PRKCG: variants seen among roughly 807,000 people sequenced by gnomAD.
PRKCG encodes protein kinase C gamma type.
In PRKCG, 28 loss-of-function variants were observed where a neutral mutation model predicts 82.0. That is an observed-to-expected ratio of 0.34 (90% confidence interval 0.25 to 0.47). PRKCG has a LOEUF of 0.47. Among genes scored for constraint, PRKCG ranks in the 20% least tolerant of loss-of-function variants. The pLI is 1.00. For synonymous variants in PRKCG, 383 were observed against 376.6 expected (o/e 1.02, Z -0.20); for missense variants, 640 against 952.7 (o/e 0.67, Z 4.32).
intron 15 of PRKCG, among the ~76,000 whole-genome samples, chr19:53,903,662 G>T (rs1052534150): frequency 6.6e-6 from 1 of 152,138 alleles, no homozygotes; most frequent in Non-Finnish European, 1.5e-5. Context: ...AGGGTCACAT[G>T]AGCCCAAGAA....
intron 3 of PRKCG, among the ~76,000 whole-genome samples, chr19:53,886,763 T>C (rs116441086): frequency 0.034 from 5,252 of 152,242 alleles, 296 homozygotes; most frequent in African/African-American, 0.11. Flanking sequence ...GCTTATTTGG[T>C]TATTTTTCCC....
chr19:53,887,111 G>A (rs2068636770), intron 3 of PRKCG, among the ~76,000 whole-genome samples: 2 of 151,590 alleles, frequency 1.3e-5, no homozygotes, highest in South Asian at 4.2e-4. Flanking sequence ...TCACTCTGTT[G>A]CCCAGGCTGG....
At chr19:53,893,205 C>T in intron 8 of PRKCG, 130 bp downstream of exon 8, 1 of 1,219,902 alleles carries the variant, frequency 8.2e-7, no homozygotes, top group South Asian at 1.2e-5. Context: ...AGGACTCCCT[C>T]CTCTGCTCTT....
chr19:53,894,178 G>A (rs1281670011), intron 9 of PRKCG, among the ~76,000 whole-genome samples: 1 of 152,104 alleles, frequency 6.6e-6, no homozygotes, highest in Non-Finnish European at 1.5e-5. Flanking sequence ...CCATTCTCCT[G>A]CATCAGCCTC....
At chr19:53,893,294 C>T (rs1432202292) in intron 8 of PRKCG, 68 bp from the exon 9 acceptor site, 55 of 1,518,466 alleles carry the variant, frequency 3.6e-5, no homozygotes, top group Non-Finnish European at 4.8e-5. Flanking sequence ...CTAGGGGCCA[C>T]CAGCCCCTGT....
chr19:53,903,203 G>A (rs1362222050), intron 15 of PRKCG, 50 bp downstream of exon 15: 2 of 1,457,966 alleles, frequency 1.4e-6, no homozygotes, highest in Middle Eastern at 1.7e-4. Flanking sequence ...ACAGAGAGGG[G>A]CACCTGGATC....
chr19:53,885,525 C>T (rs538810293), intron 3 of PRKCG, among the ~76,000 whole-genome samples: 12 of 152,212 alleles, frequency 7.9e-5, no homozygotes, highest in Non-Finnish European at 1.3e-4. Flanking sequence ...CCACCGCGCC[C>T]GGCAGAACTG....
intron 5 of PRKCG, among the ~76,000 whole-genome samples, chr19:53,890,442 C>G (rs1408387897): frequency 8.0e-5 from 12 of 149,184 alleles, no homozygotes; most frequent in Admixed American, 7.4e-4. Flanking sequence ...ATTTTTAGTA[C>G]AAACGGGGTT....
rs779475805 is a variant in PRKCG at position 53,906,698 on chromosome 19, C to G, written c.1906-9C>G. ...CTGCTTAACTTTCCCTCCCCCACGT[C>G]TCCCACAGTGTGGCCGCAGCGGCGA... On this transcript the variant is annotated splice_polypyrimidine_tract_variant and intron_variant, in intron 17 of 17. Transcript: ENST00000263431. 6.2e-7 allele frequency: 1 copy of G among 1,612,304 alleles called. No individual in the cohort carries two copies. Among genetic ancestry groups the G allele is most frequent in the African/African-American group, 1.3e-5 (1 of 74,894 alleles).
chr19:53,900,111 T>G lies in PRKCG; in HGVS notation c.1282-122T>G, dbSNP rs1599951299. 1 of 901,038 alleles carries G rather than the reference T, an allele frequency of 1.1e-6. No homozygotes were observed. Among genetic ancestry groups the G allele is most frequent in the Non-Finnish European group, 1.8e-6 (1 of 548,010 alleles). 55.8% of individuals were successfully genotyped at this position (901,038 alleles called of 1,614,324 possible). Reference sequence around the variant, plus strand: ...GGGCCCTCCCAGGGATGTGGCTAGGTGCTCTGAATTTCTGGTTGGGTGCAT... The same window carrying G: ...GGGCCCTCCCAGGGATGTGGCTAGGGGCTCTGAATTTCTGGTTGGGTGCAT... On this transcript the variant is annotated intron_variant, in intron 11 of 17. Coordinates refer to ENST00000263431, the MANE Select transcript of PRKCG (RefSeq NM_002739.5). The surrounding 1 kb of genome is among the most constrained non-coding windows in gnomAD (Gnocchi z 4.2).
chr19:53,905,380 C>CAT (rs989286578), intron 16 of PRKCG, among the ~76,000 whole-genome samples: 17 of 135,410 alleles, frequency 1.3e-4, no homozygotes, highest in Admixed American at 3.7e-4. Context: ...TGTCCACTCT[C>CAT]ATACACACAC....
intron 5 of PRKCG, among the ~76,000 whole-genome samples, 187 bp downstream of exon 5, chr19:53,890,204 G>C (rs541975581): frequency 4.0e-4 from 61 of 151,418 alleles, no homozygotes; most frequent in African/African-American, 1.3e-3. Context: ...TTGGCTCGAA[G>C]CCCCGCCTCC....
Position 53,883,929 on chromosome 19 carries a change from A to T in PRKCG, c.203-232A>T, listed in dbSNP as rs1178887844. ...AGCTCTGTGCTCTGTGTCTCTCTGT[A>T]AGTCTCTGCGTCTCTGTTTCTGACT... On this transcript the variant is annotated intron_variant, in intron 2 of 17. Transcript: ENST00000263431. This position sits in a 1 kb window ranked among gnomAD's most constrained non-coding sequence, Gnocchi z 5.4. Among the ~76,000 whole-genome samples, 7 of 151,504 alleles carry T rather than the reference A, an allele frequency of 4.6e-5. No homozygotes were observed. Among genetic ancestry groups the T allele is most frequent in the African/African-American group, 1.5e-4 (6 of 41,158 alleles).
intron 11 of PRKCG, among the ~76,000 whole-genome samples, chr19:53,899,119 G>C (rs1403227357): frequency 6.6e-6 from 1 of 151,736 alleles, no homozygotes; most frequent in Non-Finnish European, 1.5e-5. Flanking sequence ...CGGAGGGCGT[G>C]GTCGGGCGGA....
Position 53,907,142 on chromosome 19 carries a change from T to G in PRKCG, c.*247T>G. 1.2e-6 allele frequency: 1 copy of G among 848,496 alleles called. No individual in the cohort carries two copies. Among genetic ancestry groups the G allele is most frequent in the Non-Finnish European group, 1.8e-6 (1 of 565,664 alleles). 52.6% of individuals were successfully genotyped at this position (848,496 alleles called of 1,614,324 possible). Reference sequence around the variant, plus strand: ...CCGATATTCTCCCTGACCTTAGCGTTCTGGACTCTGCCCCAATCGGGTCCA... The same window carrying G: ...CCGATATTCTCCCTGACCTTAGCGTGCTGGACTCTGCCCCAATCGGGTCCA... On this transcript the variant is annotated 3_prime_UTR_variant, in exon 18 of 18. Transcript: ENST00000263431.
chr19:53,896,074 A>G (rs554331720), intron 9 of PRKCG, among the ~76,000 whole-genome samples: 31 of 150,498 alleles, frequency 2.1e-4, no homozygotes, highest in South Asian at 1.9e-3. Context: ...AAAAAAAAAA[A>G]AGAGAGAATG....
Position 53,889,610 on chromosome 19 carries a change from C to T in PRKCG, c.286-28C>T, listed in dbSNP as rs1442432641. ...TGGGGTTTTAGGACCCTCCCAACGC[C>T]CCCTAAGCCAGTCTTCTCTGCCCCC... On this transcript the variant is annotated intron_variant, in intron 3 of 17. Transcript: ENST00000263431. The surrounding 1 kb of genome is among the most constrained non-coding windows in gnomAD (Gnocchi z 4.4). The T allele has an allele frequency of 2.5e-6, 4 of 1,584,746 alleles. No homozygotes were observed. The South Asian group carries it at 4.4e-5, about 18-fold the overall frequency.
At position 53,892,542 on chromosome 19, in the gene PRKCG, C is replaced by T. The variant is rs377351345; in HGVS notation, c.720C>T (p.Leu240=). The T allele has an allele frequency of 9.7e-5, 157 of 1,613,172 alleles. No individual in the cohort carries two copies. Among genetic ancestry groups the T allele is most frequent in the Non-Finnish European group, 1.3e-4 (154 of 1,179,902 alleles). The part of the protein sequence containing the change: ...NLKPGDVERR[L]SVEVWDWDRT... ...AGCCAGGGGATGTGGAGCGCCGGCT[C>T]AGCGTGGAGGTGTGGGACTGGGACC... The change falls in exon 7 of 18, where the codon CTC becomes CTT. Residue 240 remains leucine (L), a synonymous_variant. Transcript: ENST00000263431. The surrounding 1 kb of genome is among the most constrained non-coding windows in gnomAD (Gnocchi z 5.9).
In PRKCG at chr19:53,892,496, C is replaced by A. The variant is rs1355908710; in HGVS notation, c.687-13C>A. On this transcript the variant is annotated splice_polypyrimidine_tract_variant and intron_variant, in intron 6 of 17. Transcript: ENST00000263431. The surrounding 1 kb of genome is among the most constrained non-coding windows in gnomAD (Gnocchi z 5.9). The stretch of plus-strand genomic sequence containing the variant: ...GCTCGGCTCTGCACCCCATCCACCC[C>A]ACCTTCCTGCAGCAACCTGAAGCCA... 6.2e-7 allele frequency: 1 copy of A among 1,609,128 alleles called. No individual in the cohort carries two copies. Among genetic ancestry groups the A allele is most frequent in the African/African-American group, 1.3e-5 (1 of 75,012 alleles).
Sources: gnomAD v4.1 joint callset for allele counts (sites outside exome capture counted in the v4.1 genomes callset) on GRCh38, gnomAD v4.1.1 for gene constraint, Gnocchi (gnomAD v3.1) non-coding constraint, MANE v1.5 for transcripts, NCBI Gene and HGNC (gene_info 2026-07-23, HGNC 2026-07-21) for gene names.